The following ARHGAP15 variants were observed in gnomAD, a reference collection of about 807,000 sequenced individuals.
The protein encoded by ARHGAP15 is rho GTPase-activating protein 15.
ARHGAP15 carries 51 observed loss-of-function variants against 63.7 expected under a neutral mutation model. That is an observed-to-expected ratio of 0.80 (90% CI 0.64 to 1.01). The LOEUF is 1.01. Ranked by LOEUF, ARHGAP15 falls within the 50% of genes least tolerant of loss-of-function variation. The probability of loss-of-function intolerance (pLI) is 0.00; values close to 1 mark genes in which losing one functional copy is unlikely to be tolerated. For missense variants in ARHGAP15, 560 were observed against 564.6 expected, an observed-to-expected ratio of 0.99 and a Z score of 0.08; for synonymous variants, 191 against 193.8, an observed-to-expected ratio of 0.99 and a Z score of 0.12.
intron 13 of ARHGAP15, among the ~76,000 whole-genome samples, chr2:143,745,695 C>T (rs1436224254): frequency 6.6e-6 from 1 of 152,168 alleles, no homozygotes; most frequent in Non-Finnish European, 1.5e-5. Context: ...GATGGCTGTG[C>T]TTGCAATGTG....
At chr2:143,606,052 A>AAAAAG (rs1698006219) in intron 11 of ARHGAP15, among the ~76,000 whole-genome samples, 1 of 135,794 alleles carries the variant, frequency 7.4e-6, no homozygotes, top group Non-Finnish European at 1.6e-5. Context: ...AAAAAAAAAA[A>AAAAAG]AAAAAAAAAA....
chr2:143,617,512 T>A (rs1698495023), intron 11 of ARHGAP15, among the ~76,000 whole-genome samples: 1 of 152,178 alleles, frequency 6.6e-6, no homozygotes, highest in Admixed American at 6.6e-5. Flanking sequence ...CTTTCCTCTG[T>A]GTGCACCCTA....
Position 143,144,701 on chromosome 2 carries a change from C to T in ARHGAP15, c.-14-10776C>T, listed in dbSNP as rs977039205. ...TCTATTTACTTACCTGCTTAGCTACCTACTCATTTATCTCTCACTATTTTC... is the reference window on the plus strand; with the variant it reads ...TCTATTTACTTACCTGCTTAGCTACTTACTCATTTATCTCTCACTATTTTC... On this transcript the variant is annotated intron_variant, in intron 1 of 13. Coordinates refer to ENST00000295095, the MANE Select transcript of ARHGAP15 (RefSeq NM_018460.4). Among the ~76,000 whole-genome samples, 8 of 152,048 alleles carry T rather than the reference C, an allele frequency of 5.3e-5. No individual in the cohort carries two copies. In the South Asian group the frequency reaches 1.7e-3, roughly 32 times the overall value.
chr2:143,765,206 A>G (rs1208597040), intron 13 of ARHGAP15, among the ~76,000 whole-genome samples: 1 of 152,056 alleles, frequency 6.6e-6, no homozygotes, highest in East Asian at 1.9e-4. Flanking sequence ...CCAAATTGGG[A>G]AAAACCTGCA....
At chr2:143,670,832 T>C (rs1485183746) in intron 12 of ARHGAP15, among the ~76,000 whole-genome samples, 1 of 152,220 alleles carries the variant, frequency 6.6e-6, no homozygotes, top group African/African-American at 2.4e-5. Context: ...TTGCTTTGCA[T>C]ATTGTGGGCT....
chr2:143,616,673 C>G (rs1300472499), intron 11 of ARHGAP15, among the ~76,000 whole-genome samples: 1 of 152,174 alleles, frequency 6.6e-6, no homozygotes. Context: ...GTTTTATAGA[C>G]CAGGTGGTAA....
intron 13 of ARHGAP15, among the ~76,000 whole-genome samples, chr2:143,742,301 G>T (rs1685991773): frequency 6.6e-6 from 1 of 152,230 alleles, no homozygotes; most frequent in Middle Eastern, 3.2e-3. Flanking sequence ...CTGACTTAGG[G>T]TGAGACATTT....
At chr2:143,679,752 GT>G (rs1316299956) in intron 12 of ARHGAP15, among the ~76,000 whole-genome samples, 1 of 151,890 alleles carries the variant, frequency 6.6e-6, no homozygotes, top group Admixed American at 6.6e-5. Context: ...CCTCGAAGCT[GT>G]TTTTCTGGAA....
At chr2:143,344,829 C>A (rs1056951076) in intron 6 of ARHGAP15, among the ~76,000 whole-genome samples, 1 of 152,038 alleles carries the variant, frequency 6.6e-6, no homozygotes, top group Non-Finnish European at 1.5e-5. Context: ...AGGCAATAAA[C>A]AAATAAACAA....
At chr2:143,221,883 C>T (rs1201714517) in intron 4 of ARHGAP15, among the ~76,000 whole-genome samples, 1 of 152,192 alleles carries the variant, frequency 6.6e-6, no homozygotes. Context: ...TGCTTTCATC[C>T]TAGGGCCCAT....
At chr2:143,266,912 A>G (rs1416189113) in intron 6 of ARHGAP15, among the ~76,000 whole-genome samples, 9 of 152,162 alleles carry the variant, frequency 5.9e-5, no homozygotes, top group Admixed American at 5.9e-4. Context: ...CTTTGAGAAC[A>G]AATTTCTGTT....
chr2:143,314,827 A>T (rs563344688), intron 6 of ARHGAP15, among the ~76,000 whole-genome samples: 19 of 152,320 alleles, frequency 1.2e-4, no homozygotes, highest in Non-Finnish European at 2.2e-4. Flanking sequence ...GCTCAAGATA[A>T]TGAATGACAT....
intron 6 of ARHGAP15, among the ~76,000 whole-genome samples, chr2:143,432,121 C>T (rs1010040322): frequency 6.6e-6 from 1 of 151,966 alleles, no homozygotes; most frequent in African/African-American, 2.4e-5. Flanking sequence ...TGTAGCTATG[C>T]ATAATTTTGA....
intron 11 of ARHGAP15, among the ~76,000 whole-genome samples, chr2:143,598,253 CAAGG>C (rs1322612471): frequency 6.6e-6 from 1 of 152,094 alleles, no homozygotes; most frequent in African/African-American, 2.4e-5. Context: ...CTCCATGAAA[CAAGG>C]AAGTCTCATT....
At chr2:143,465,890 C>T (rs1443403307) in intron 8 of ARHGAP15, among the ~76,000 whole-genome samples, 1 of 151,986 alleles carries the variant, frequency 6.6e-6, no homozygotes, top group Non-Finnish European at 1.5e-5. Context: ...TTCCTCTCTT[C>T]CAAAAAGACA....
intron 9 of ARHGAP15, among the ~76,000 whole-genome samples, chr2:143,512,754 A>G (rs999562322): frequency 6.6e-6 from 1 of 152,238 alleles, no homozygotes; most frequent in Non-Finnish European, 1.5e-5. Flanking sequence ...TGCCATGGCA[A>G]GGATACAGAG....
chr2:143,159,172 T>C (rs1407450341), intron 2 of ARHGAP15, among the ~76,000 whole-genome samples: 3 of 151,916 alleles, frequency 2.0e-5, no homozygotes, highest in Non-Finnish European at 2.9e-5. Context: ...AAGACTTAGG[T>C]GGAGCCATTT....
At chr2:143,629,462 T>G (rs530753906) in intron 12 of ARHGAP15, among the ~76,000 whole-genome samples, 2 of 152,286 alleles carry the variant, frequency 1.3e-5, no homozygotes, top group Non-Finnish European at 2.9e-5. Context: ...AAATGTGAAC[T>G]CAGTAGAAAA....
intron 2 of ARHGAP15, among the ~76,000 whole-genome samples, chr2:143,184,000 G>C (rs946338566): frequency 6.6e-6 from 1 of 152,100 alleles, no homozygotes; most frequent in Admixed American, 6.6e-5. Context: ...CTCAACTAGG[G>C]AGGTCAGCTT....
Sources: allele counts gnomAD v4.1 joint callset (sites outside exome capture counted in the v4.1 genomes callset), GRCh38; gene constraint gnomAD v4.1.1; transcripts MANE v1.5; gene names NCBI Gene and HGNC (gene_info 2026-07-23, HGNC 2026-07-21).